CEP63: variants seen among roughly 807,000 people sequenced by gnomAD.
The protein encoded by CEP63 is centrosomal protein 63, also known as centrosomal protein of 63 kDa.
CEP63 carries 84 observed loss-of-function variants against 89.1 expected under a neutral mutation model. That is an observed-to-expected ratio of 0.94 (90% CI 0.79 to 1.13). The LOEUF is 1.13. Ranked by LOEUF, CEP63 falls within the 50% of genes most tolerant of loss-of-function variation. The pLI, the probability that CEP63 is intolerant of heterozygous loss-of-function variation, is 0.00. For missense variants in CEP63, 838 were observed against 813.3 expected, an observed-to-expected ratio of 1.03 and a Z score of -0.37; for synonymous variants, 267 against 272.5, an observed-to-expected ratio of 0.98 and a Z score of 0.20.
At chr3:134,753,420 C>T in the CEP63 span, among the ~76,000 whole-genome samples, 1 of 152,172 alleles carries the variant, frequency 6.6e-6, no homozygotes, top group African/African-American at 2.4e-5. Context: ...AAATGCCATC[C>T]CTCTGATGGC....
chr3:134,658,626 G>A, the CEP63 span, among the ~76,000 whole-genome samples: 1 of 152,220 alleles, frequency 6.6e-6, no homozygotes, highest in Non-Finnish European at 1.5e-5. Context: ...TTAGCCTGGA[G>A]GTAGAACTGA....
the CEP63 span, among the ~76,000 whole-genome samples, chr3:134,732,458 G>A: frequency 9.3e-3 from 1,421 of 152,078 alleles, 26 homozygotes; most frequent in African/African-American, 0.032. Context: ...TGTAATAAGA[G>A]TTGATTAAAC....
chr3:134,584,814 T>A (rs1465232449), intron 10 of CEP63, among the ~76,000 whole-genome samples: 1 of 152,132 alleles, frequency 6.6e-6, no homozygotes. Context: ...GTCCTGGACT[T>A]TTTTTGGTTG....
chr3:134,725,076 T>G, the CEP63 span, among the ~76,000 whole-genome samples: 2 of 105,200 alleles, frequency 1.9e-5, no homozygotes. Context: ...TCAAAGAGTA[T>G]GCAACCAAAA....
chr3:134,740,266 T>TTTTA, the CEP63 span, among the ~76,000 whole-genome samples: 17,846 of 140,726 alleles, frequency 0.13, 1,229 homozygotes, highest in African/African-American at 0.18. Context: ...TATTCTTTTC[T>TTTTA]TTTATTTATT....
At chr3:134,766,023 C>T in the CEP63 span, among the ~76,000 whole-genome samples, 2 of 152,162 alleles carry the variant, frequency 1.3e-5, no homozygotes, top group Non-Finnish European at 2.9e-5. Flanking sequence ...CTGAGCCTGA[C>T]TCCTCATGAT....
At chr3:134,645,329 G>A in the CEP63 span, among the ~76,000 whole-genome samples, 34 of 152,306 alleles carry the variant, frequency 2.2e-4, no homozygotes, top group African/African-American at 8.2e-4. Context: ...GCAGTGCACG[G>A]GGTAGCAAGA....
intron 6 of CEP63, among the ~76,000 whole-genome samples, chr3:134,538,492 C>A (rs1951239322): frequency 8.6e-6 from 1 of 116,278 alleles, no homozygotes; most frequent in African/African-American, 2.7e-5. Flanking sequence ...GACTTGAATG[C>A]CAAAGCACCA....
rs758087745 is a variant in CEP63, at chr3:134,550,108, C to G, written c.1228C>G (p.Leu410Val). The change falls in exon 11 of 15, where the codon CTA becomes GTA. Residue 410 changes from leucine (L) to valine (V), a missense_variant. Coordinates refer to ENST00000675561, the MANE Select transcript of CEP63 (RefSeq NM_001353108.3). ...GGGTGAACAAAGTTACAGTTCTGCA[C>G]TAGAAGGAATGAAGATGGAAATCTC... The part of the protein sequence containing the change: ...LQGEQSYSSA[L>V]EGMKMEISHL... 1.2e-6 allele frequency: 2 copies of G among 1,613,864 alleles called. No individual in the cohort carries two copies. Among genetic ancestry groups the G allele is most frequent in the South Asian group, 1.1e-5 (1 of 91,074 alleles).
the CEP63 span, among the ~76,000 whole-genome samples, chr3:134,637,459 C>T: frequency 6.6e-6 from 1 of 152,196 alleles, no homozygotes; most frequent in East Asian, 1.9e-4. Flanking sequence ...TCATAGGTCA[C>T]AATACACAAT....
In CEP63 at chr3:134,532,801, T is replaced by A; in HGVS notation, c.342T>A (p.Tyr114Ter). 1.2e-6 allele frequency: 2 copies of A among 1,607,572 alleles called. No homozygotes were observed. Among genetic ancestry groups the A allele is most frequent in the African/African-American group, 1.3e-5 (1 of 74,892 alleles). Residue 114 changes from tyrosine (Y) to a stop codon, truncating the protein, a stop_gained, in exon 5 of 15, where the codon TAT becomes TAA. Transcript: ENST00000675561. LOFTEE classifies it high-confidence loss of function. ...AGTTATGCATACTGAAGAGAAGCTATGAAAAGCTTCAGAAAAAGCAAATGA... is the reference window on the plus strand; with the variant it reads ...AGTTATGCATACTGAAGAGAAGCTAAGAAAAGCTTCAGAAAAAGCAAATGA... The part of the protein sequence containing the change: ...HEELCILKRS[Y>*]EKLQKKQMRE...
intron 6 of CEP63, among the ~76,000 whole-genome samples, chr3:134,541,510 C>CTTT (rs564947611): frequency 1.9e-4 from 25 of 128,322 alleles, no homozygotes; most frequent in Non-Finnish European, 3.0e-4. Context: ...TACTAGCCAA[C>CTTT]TTTTTTTTTT....
chr3:134,522,237 C>CCA (rs1327203579), intron 3 of CEP63, among the ~76,000 whole-genome samples: 1 of 152,060 alleles, frequency 6.6e-6, no homozygotes, highest in East Asian at 1.9e-4. Flanking sequence ...TGAAAAGACT[C>CCA]AAAGTGCCAA....
chr3:134,522,360 C>G (rs941186167), intron 3 of CEP63, among the ~76,000 whole-genome samples: 1 of 152,134 alleles, frequency 6.6e-6, no homozygotes, highest in Non-Finnish European at 1.5e-5. Flanking sequence ...GCGTTTTCTT[C>G]TGGATGTGGG....
At chr3:134,507,573 A>G (rs1364905674) in intron 3 of CEP63, among the ~76,000 whole-genome samples, 1 of 152,182 alleles carries the variant, frequency 6.6e-6, no homozygotes, top group Non-Finnish European at 1.5e-5. Flanking sequence ...CCTTCATCAT[A>G]TTACATGTTT....
the CEP63 span, among the ~76,000 whole-genome samples, chr3:134,601,326 AGCTCCTATTTTGCTGGGTG>A: frequency 1.3e-5 from 2 of 152,120 alleles, no homozygotes; most frequent in Non-Finnish European, 2.9e-5. Context: ...TGCTGGGGAC[AGCTCCTATTTTGCTGGGTG>A]GCATTCTCTG....
At chr3:134,647,157 G>A in the CEP63 span, among the ~76,000 whole-genome samples, 1 of 152,226 alleles carries the variant, frequency 6.6e-6, no homozygotes, top group East Asian at 1.9e-4. Flanking sequence ...CCCAAGGGAT[G>A]TTAAGTCCTC....
chr3:134,510,619 G>A, intron 3 of CEP63: 1 of 658,760 alleles, frequency 1.5e-6, no homozygotes, highest in Non-Finnish European at 2.8e-6. Flanking sequence ...GGGAAATTGG[G>A]AGGCGGGAAG....
At chr3:134,550,666 A>G (rs1954621555) in intron 11 of CEP63, among the ~76,000 whole-genome samples, 1 of 152,044 alleles carries the variant, frequency 6.6e-6, no homozygotes, top group African/African-American at 2.4e-5. Context: ...ACTAGAGTAC[A>G]AGTGGGATGA....
Sources: allele counts gnomAD v4.1 joint callset (sites outside exome capture counted in the v4.1 genomes callset), GRCh38; gene constraint gnomAD v4.1.1; transcripts MANE v1.5; gene names NCBI Gene and HGNC (gene_info 2026-07-23, HGNC 2026-07-21).